Variants in PLAGL1 observed in about 807,000 individuals in gnomAD.
The protein encoded by PLAGL1 is zinc finger protein PLAGL1.
Under a neutral mutation model 4.6 loss-of-function variants are expected in PLAGL1, and 1 was observed. The ratio of observed to expected loss-of-function variants is 0.22; its 90% CI spans 0.08 to 1.03. The LOEUF (loss-of-function observed/expected upper bound fraction) is 1.03, where lower values mean the gene tolerates loss of function less well. PLAGL1 is among the 50% of genes least tolerant of loss of function. The probability of loss-of-function intolerance (pLI) is 0.58; values close to 1 mark genes in which losing one functional copy is unlikely to be tolerated. For synonymous variants in PLAGL1, 240 were observed against 237.8 expected, an observed-to-expected ratio of 1.01 and a Z score of -0.08; for missense variants, 464 against 570.4, an observed-to-expected ratio of 0.81 and a Z score of 1.90.
In PLAGL1 at chr6:143,945,782, AAAGCATC is replaced by A. The variant is rs1233938196; in HGVS notation, c.152+2196_152+2202del. On this transcript the variant is annotated intron_variant, in intron 7 of 7. Coordinates refer to ENST00000674357, the MANE Select transcript of PLAGL1 (RefSeq NM_001317162.2). This position sits in a 1 kb window ranked among gnomAD's most constrained non-coding sequence, Gnocchi z 4.2. ...CATCTTTTTTTTAAAAGCAAAACCG[AAAGCATC>A]CTGCCATCTCACACTCTTCCAGTCC... Among the ~76,000 whole-genome samples, 4 of 152,140 alleles carry A rather than the reference AAAGCATC, an allele frequency of 2.6e-5. No homozygotes were observed. The highest frequency in any genetic ancestry group is 2.6e-4 in the Admixed American group (4 of 15,274).
chr6:144,024,763 T>A (rs1271461718), intron 1 of PLAGL1, among the ~76,000 whole-genome samples: 1 of 151,672 alleles, frequency 6.6e-6, no homozygotes. Context: ...CCTGAAAGAG[T>A]TCCTAGTGAC....
intron 1 of PLAGL1, among the ~76,000 whole-genome samples, chr6:144,038,487 G>A (rs1797446904): frequency 6.6e-6 from 1 of 152,164 alleles, no homozygotes; most frequent in Non-Finnish European, 1.5e-5. Flanking sequence ...GCTAGCTATA[G>A]ATTAATGAAT....
In PLAGL1 at chr6:144,004,597, T is replaced by A. The variant is rs530615606; in HGVS notation, c.-584+3493A>T. ...TGACTGGGGGAAGCGAGTGGCTCCA[T>A]TGATAGGAAGGGGCAGAAGGAATGA... is the stretch of plus-strand genomic sequence containing the variant. On this transcript the variant is annotated intron_variant, in intron 1 of 7. Coordinates refer to ENST00000674357, the MANE Select transcript of PLAGL1 (RefSeq NM_001317162.2). This position sits in a 1 kb window ranked among gnomAD's most constrained non-coding sequence, Gnocchi z 4.2. Among the ~76,000 whole-genome samples the A allele has an allele frequency of 3.3e-5, 5 of 152,150 alleles. No individual in the cohort carries two copies. Among genetic ancestry groups the A allele is most frequent in the Non-Finnish European group, 7.4e-5 (5 of 68,022 alleles).
chr6:144,049,055 G>A (rs745994641), intron 1 of PLAGL1, among the ~76,000 whole-genome samples: 5 of 152,204 alleles, frequency 3.3e-5, no homozygotes, highest in Non-Finnish European at 7.3e-5. Flanking sequence ...TCTCTCTCAA[G>A]TTCAAAGTTG....
chr6:144,019,083 T>C (rs1433855155), intron 1 of PLAGL1, among the ~76,000 whole-genome samples: 4 of 152,018 alleles, frequency 2.6e-5, no homozygotes, highest in Non-Finnish European at 4.4e-5. Flanking sequence ...AAAACATCAA[T>C]GTTATAAAGA....
intron 1 of PLAGL1, among the ~76,000 whole-genome samples, chr6:144,046,155 A>T (rs945459500): frequency 4.6e-5 from 7 of 152,106 alleles, no homozygotes; most frequent in African/African-American, 1.7e-4. Flanking sequence ...GAGAAGTTTG[A>T]TATTGCCAAT....
intron 1 of PLAGL1, among the ~76,000 whole-genome samples, chr6:144,032,930 G>T (rs752936685): frequency 5.3e-5 from 8 of 152,122 alleles, no homozygotes; most frequent in Admixed American, 4.6e-4. Context: ...GATTAAGAGG[G>T]ACACTATATC....
At position 143,975,213 on chromosome 6, in the gene PLAGL1, G is replaced by C. The variant is rs1457910608; in HGVS notation, c.-543-6235C>G. On this transcript the variant is annotated intron_variant, in intron 2 of 7. Coordinates refer to ENST00000674357, the MANE Select transcript of PLAGL1 (RefSeq NM_001317162.2). The surrounding 1 kb of genome is among the most constrained non-coding windows in gnomAD (Gnocchi z 5.8). ...ACTGGGGATATAATCATTCACTGGA[G>C]TTCTCTCACCAAGGTTATATTAAAT... Among the ~76,000 whole-genome samples, 4 of 152,196 alleles carry C rather than the reference G, an allele frequency of 2.6e-5. No homozygotes were observed. The highest frequency in any genetic ancestry group is 7.2e-5 in the African/African-American group (3 of 41,440).
chr6:144,041,097 T>C (rs545907497), intron 1 of PLAGL1, among the ~76,000 whole-genome samples: 69 of 151,758 alleles, frequency 4.5e-4, no homozygotes, highest in Admixed American at 8.5e-4. Context: ...CAATGGGGAG[T>C]AGCAAGTTAA....
At chr6:143,943,704 G>A (rs1437425312) in intron 7 of PLAGL1, among the ~76,000 whole-genome samples, 1 of 151,814 alleles carries the variant, frequency 6.6e-6, no homozygotes, top group South Asian at 2.1e-4. Flanking sequence ...CTTTAAATAT[G>A]AAGCTGCTAC....
In PLAGL1 at chr6:144,034,600, G is replaced by A. The variant is rs554955294; in HGVS notation, c.-151+29868C>T. ...CCAGCAAAGAAAAGTGGGAGGCCCC[G>A]ACAAATTGTCATTATGCAATAATGA... On this transcript the variant is annotated intron_variant, in intron 1 of 3. Transcript: ENST00000437412. This position sits in a 1 kb window ranked among gnomAD's most constrained non-coding sequence, Gnocchi z 4.7. Among the ~76,000 whole-genome samples the A allele has an allele frequency of 2.0e-5, 3 of 152,226 alleles. No homozygotes were observed. The highest frequency in any genetic ancestry group is 4.8e-5 in the African/African-American group (2 of 41,540).
chr6:143,968,538 C>A lies in PLAGL1; in HGVS notation c.-472+369G>T, dbSNP rs768993086. The A allele has an allele frequency of 9.9e-5, 15 of 151,896 alleles. No individual in the cohort carries two copies. Among genetic ancestry groups the A allele is most frequent in the Admixed American group, 9.2e-4 (14 of 15,246 alleles). The allele number at this position is 151,896 out of a possible 1,614,324, so 9.4% of individuals were successfully genotyped here. On this transcript the variant is annotated intron_variant, in intron 3 of 7. Coordinates refer to ENST00000674357, the MANE Select transcript of PLAGL1 (RefSeq NM_001317162.2). This position sits in a 1 kb window ranked among gnomAD's most constrained non-coding sequence, Gnocchi z 6.3. ...TTTAAAATATAACAGAAAGAGATCA[C>A]GAAGTTTCTAGTGAGCAAGTCATGA...
Position 143,941,669 on chromosome 6 carries a change from G to C in PLAGL1, c.1147C>G (p.Leu383Val), listed in dbSNP as rs764612601. ...TIPASLDLSP[L>V]LGFWQLPPPA... ...GGGGGCAGCTGCCAGAAGCCCAACA[G>C]GGGGGACAGGTCCAGAGAGGCAGGT... is the stretch of plus-strand genomic sequence containing the variant. Residue 383 changes from leucine to valine, a missense_variant, in exon 8 of 8, where the codon CTG becomes GTG. Transcript: ENST00000674357. This position sits in a 1 kb window ranked among gnomAD's most constrained non-coding sequence, Gnocchi z 6.0. 21 of 1,614,082 alleles carry C rather than the reference G, an allele frequency of 1.3e-5. No individual in the cohort carries two copies. Among genetic ancestry groups the C allele is most frequent in the Admixed American group, 3.3e-5 (2 of 60,016 alleles).
chr6:143,980,446 T>A (rs1266982702), intron 2 of PLAGL1, among the ~76,000 whole-genome samples: 5 of 151,776 alleles, frequency 3.3e-5, no homozygotes, highest in African/African-American at 9.7e-5. Flanking sequence ...ATGCAGTGTA[T>A]TTTGGGATTT....
At chr6:144,040,781 G>A (rs902236862) in intron 1 of PLAGL1, among the ~76,000 whole-genome samples, 1 of 152,202 alleles carries the variant, frequency 6.6e-6, no homozygotes, top group African/African-American at 2.4e-5. Flanking sequence ...GCTGAGACAG[G>A]AGAATTGCTT....
intron 2 of PLAGL1, among the ~76,000 whole-genome samples, chr6:143,981,904 C>T (rs74635500): frequency 0.028 from 4,334 of 152,258 alleles, 218 homozygotes; most frequent in African/African-American, 0.098. Flanking sequence ...ATCCCACTTT[C>T]CTATCTTTGT....
intron 6 of PLAGL1, among the ~76,000 whole-genome samples, chr6:143,956,848 A>G (rs553444363): frequency 2.0e-5 from 3 of 152,234 alleles, no homozygotes; most frequent in Admixed American, 6.5e-5. Flanking sequence ...TGAACTACCA[A>G]GGGGGAAGGG....
intron 1 of PLAGL1, among the ~76,000 whole-genome samples, chr6:144,023,579 G>A (rs1796123051): frequency 6.6e-6 from 1 of 152,026 alleles, no homozygotes; most frequent in African/African-American, 2.4e-5. Flanking sequence ...GTTTCCCGTG[G>A]GGGTACAAAT....
chr6:143,991,605 T>G (rs1350489024), intron 1 of PLAGL1, among the ~76,000 whole-genome samples: 1 of 152,214 alleles, frequency 6.6e-6, no homozygotes, highest in East Asian at 1.9e-4. Flanking sequence ...AGGATCCATG[T>G]TCCATTCTGG....
Sources: allele counts gnomAD v4.1 joint callset (sites outside exome capture counted in the v4.1 genomes callset), GRCh38; gene constraint gnomAD v4.1.1; non-coding constraint Gnocchi (gnomAD v3.1); transcripts MANE v1.5; gene names NCBI Gene and HGNC (gene_info 2026-07-23, HGNC 2026-07-21).